TBX5: variants seen among roughly 807,000 people sequenced by gnomAD.
TBX5 encodes the protein T-box transcription factor TBX5.
Under a neutral mutation model 51.1 loss-of-function variants are expected in TBX5, and 8 were observed. The ratio of observed to expected loss-of-function variants is 0.16; its 90% CI spans 0.09 to 0.28. The LOEUF is 0.28. Among genes scored for constraint, TBX5 ranks in the 10% least tolerant of loss-of-function variants. The pLI is 1.00. For missense variants in TBX5, 589 were observed against 671.7 expected (o/e 0.88, Z 1.36); for synonymous variants, 302 against 266.4 (o/e 1.13, Z -1.30).
At position 114,398,729 on chromosome 12, in the gene TBX5, A is replaced by C. The variant is rs2136417017; in HGVS notation, c.363-9T>G. ...CTTTGCCCGTCACAGACCTAGATGA[A>C]GGAGAGGTGTACTAGAGGCCTGGCT... is the stretch of plus-strand genomic sequence containing the variant. On this transcript the variant is annotated splice_polypyrimidine_tract_variant and intron_variant, in intron 4 of 8. Coordinates refer to ENST00000405440, the MANE Select transcript of TBX5 (RefSeq NM_181486.4). The C allele has an allele frequency of 2.5e-6, 4 of 1,596,302 alleles. No homozygotes were observed. Among genetic ancestry groups the C allele is most frequent in the Non-Finnish European group, 3.4e-6 (4 of 1,171,454 alleles).
chr12:114,369,583 G>A (rs10850331), intron 7 of TBX5, among the ~76,000 whole-genome samples: 5,408 of 152,224 alleles, frequency 0.036, 146 homozygotes, highest in Non-Finnish European at 0.06. Context: ...ACAACAGCGG[G>A]GCAATTTTCA....
chr12:114,397,966 GTCC>G (rs1871530121), intron 5 of TBX5, among the ~76,000 whole-genome samples: 1 of 152,190 alleles, frequency 6.6e-6, no homozygotes, highest in South Asian at 2.1e-4. Flanking sequence ...TTTCATTGTG[GTCC>G]AGCCTCTGTG....
In TBX5 at chr12:114,406,065, CCTCTCT is replaced by C; in HGVS notation, c.-482_-477del. ...GAGTCAGTCTCTCTCACTCTCTCTC[CCTCTCT>C]CTCTCTCTCTGAAATACAAGCCAAC... is the stretch of plus-strand genomic sequence containing the variant. On this transcript the variant is annotated 5_prime_UTR_variant, in exon 1 of 9. Transcript: ENST00000405440. 1.0e-6 allele frequency: 1 copy of C among 953,954 alleles called. No homozygotes were observed. Among genetic ancestry groups the C allele is most frequent in the Non-Finnish European group, 1.2e-6 (1 of 803,498 alleles). The allele number at this position is 953,954 out of a possible 1,614,324, so 59.1% of individuals were successfully genotyped here.
chr12:114,387,115 A>ACC (rs766214155), intron 6 of TBX5, among the ~76,000 whole-genome samples: 1 of 149,538 alleles, frequency 6.7e-6, no homozygotes, highest in Non-Finnish European at 1.5e-5. Flanking sequence ...CAAAAAAAAA[A>ACC]CAAAAAACAA....
chr12:114,370,402 C>T (rs1869827537), intron 7 of TBX5, among the ~76,000 whole-genome samples: 1 of 152,186 alleles, frequency 6.6e-6, no homozygotes. Context: ...TCCCAGACCA[C>T]ACAGCTAAGA....
At chr12:114,382,289 G>T (rs1870545205) in intron 7 of TBX5, among the ~76,000 whole-genome samples, 1 of 152,158 alleles carries the variant, frequency 6.6e-6, no homozygotes, top group Non-Finnish European at 1.5e-5. Context: ...CCTCCAGCCT[G>T]GGCAACAGAG....
chr12:114,398,536 G>C, intron 5 of TBX5, 37 bp downstream of exon 5: 4 of 1,605,048 alleles, frequency 2.5e-6, no homozygotes, highest in Non-Finnish European at 3.4e-6. Flanking sequence ...GAGGACAAGA[G>C]GGAGACAAGG....
At chr12:114,370,148 T>C (rs1869774752) in intron 7 of TBX5, among the ~76,000 whole-genome samples, 1 of 151,482 alleles carries the variant, frequency 6.6e-6, no homozygotes, top group African/African-American at 2.4e-5. Context: ...GGACAATCAC[T>C]TGAACCTGGG....
At chr12:114,393,336 C>T (rs1593874396) in intron 6 of TBX5, among the ~76,000 whole-genome samples, 2 of 152,228 alleles carry the variant, frequency 1.3e-5, no homozygotes, top group East Asian at 3.9e-4. Context: ...CATATGGACC[C>T]CCCTCCCACT....
chr12:114,406,515 C>T (rs979038095), upstream of TBX5, among the ~76,000 whole-genome samples: 7 of 152,274 alleles, frequency 4.6e-5, no homozygotes, highest in East Asian at 1.4e-3. Context: ...TTCTCTCCAA[C>T]GCTGACCTCG....
rs572571371 is a variant in TBX5, at chr12:114,380,966, G to GCA, written c.755+4508_755+4509dup. ...TGATTAACCTTTCTAAATAAACTTG[G>GCA]CACACCCTTTAATTGGTCTGCTTGA... On this transcript the variant is annotated intron_variant, in intron 7 of 8. Transcript: ENST00000405440. Among the ~76,000 whole-genome samples, 638 of 151,978 alleles carry GCA rather than the reference G, an allele frequency of 4.2e-3. 6 individuals are homozygous for GCA. The highest frequency in any genetic ancestry group is 0.015 in the African/African-American group (611 of 41,390).
intron 8 of TBX5, among the ~76,000 whole-genome samples, chr12:114,365,522 C>T (rs955041487): frequency 4.6e-5 from 7 of 152,018 alleles, no homozygotes; most frequent in South Asian, 2.1e-4. Flanking sequence ...GTGATTTCAT[C>T]TATATTAAAA....
intron 7 of TBX5, among the ~76,000 whole-genome samples, chr12:114,374,823 G>C (rs1870104745): frequency 6.6e-6 from 1 of 152,136 alleles, no homozygotes; most frequent in Admixed American, 6.5e-5. Context: ...GTAGTGTTTG[G>C]GGTAAAATGT....
chr12:114,367,336 A>G (rs1317504851), intron 7 of TBX5, among the ~76,000 whole-genome samples: 1 of 152,120 alleles, frequency 6.6e-6, no homozygotes, highest in African/African-American at 2.4e-5. Flanking sequence ...TATCCCTTAC[A>G]GGCTGTGTGT....
chr12:114,387,531 A>G (rs1870883917), intron 6 of TBX5, among the ~76,000 whole-genome samples: 1 of 152,236 alleles, frequency 6.6e-6, no homozygotes, highest in Non-Finnish European at 1.5e-5. Context: ...GAATAGGCAG[A>G]GCCCAGAGGA....
intron 6 of TBX5, among the ~76,000 whole-genome samples, chr12:114,392,594 C>T (rs999067825): frequency 6.6e-6 from 1 of 152,142 alleles, no homozygotes; most frequent in African/African-American, 2.4e-5. Context: ...CCTTTCCTAT[C>T]CTCCTGTATG....
Position 114,388,334 on chromosome 12 carries a change from T to C in TBX5, c.664-2767A>G, listed in dbSNP as rs1156887599. Among the ~76,000 whole-genome samples the C allele has an allele frequency of 2.0e-5, 3 of 152,142 alleles. No individual in the cohort carries two copies. In the East Asian group the frequency reaches 5.8e-4, roughly 29 times the overall value. ...CACCACGCCTGAGTAATTTTTGTAGTTTTAGCAGAGAAGGGTTTTAACATG... is the reference window on the plus strand; with the variant it reads ...CACCACGCCTGAGTAATTTTTGTAGCTTTAGCAGAGAAGGGTTTTAACATG... On this transcript the variant is annotated intron_variant, in intron 6 of 8. Transcript: ENST00000405440.
intron 8 of TBX5, among the ~76,000 whole-genome samples, chr12:114,359,301 G>T (rs1317688416): frequency 6.6e-6 from 1 of 152,156 alleles, no homozygotes; most frequent in South Asian, 2.1e-4. Context: ...CCAAATTTCA[G>T]GTCAGTCATG....
chr12:114,399,485 C>T (rs1871656647), intron 4 of TBX5, 28 bp downstream of exon 4: 3 of 1,613,998 alleles, frequency 1.9e-6, no homozygotes, highest in Non-Finnish European at 2.5e-6. Context: ...TTCTCTCTCC[C>T]CGCTCCACCT....
Sources: gnomAD v4.1 joint callset for allele counts (sites outside exome capture counted in the v4.1 genomes callset) on GRCh38, gnomAD v4.1.1 for gene constraint, MANE v1.5 for transcripts, NCBI Gene and HGNC (gene_info 2026-07-23, HGNC 2026-07-21) for gene names.